Variants in CACNA2D3 observed in about 807,000 individuals in gnomAD.
CACNA2D3 encodes voltage-dependent calcium channel subunit alpha-2/delta-3.
A neutral mutation model predicts 160.6 loss-of-function variants in CACNA2D3; 60 were observed. The ratio of observed to expected loss-of-function variants is 0.37; its 90% CI spans 0.30 to 0.46. CACNA2D3 has a LOEUF of 0.46. CACNA2D3 is among the 20% of genes least tolerant of loss of function. CACNA2D3 has a pLI of 1.00. For synonymous variants in CACNA2D3, 558 were observed against 492.9 expected, an observed-to-expected ratio of 1.13 and a Z score of -1.75; for missense variants, 1,205 against 1,365.0, an observed-to-expected ratio of 0.88 and a Z score of 1.85.
chr3:54,602,675 C>G (rs1358477645), intron 9 of CACNA2D3, among the ~76,000 whole-genome samples: 3 of 152,104 alleles, frequency 2.0e-5, no homozygotes, highest in African/African-American at 4.8e-5. Flanking sequence ...TAAATATGTT[C>G]TCTTTTCTAC....
intron 14 of CACNA2D3, among the ~76,000 whole-genome samples, chr3:54,824,578 G>A (rs756931269): frequency 6.6e-6 from 1 of 152,188 alleles, no homozygotes; most frequent in Non-Finnish European, 1.5e-5. Context: ...AGACTAACTT[G>A]AGTCAGCTGG....
intron 5 of CACNA2D3, among the ~76,000 whole-genome samples, chr3:54,508,905 A>C (rs145889091): frequency 6.6e-6 from 1 of 152,348 alleles, no homozygotes; most frequent in African/African-American, 2.4e-5. Context: ...GTTACAGTCC[A>C]ATAGGTTCTT....
At chr3:54,203,525 A>G (rs577141647) in intron 2 of CACNA2D3, among the ~76,000 whole-genome samples, 19 of 152,298 alleles carry the variant, frequency 1.2e-4, no homozygotes, top group African/African-American at 4.3e-4. Flanking sequence ...TTGCCTTGGT[A>G]TACTGGAAGA....
At chr3:54,687,374 A>T (rs1340377144) in intron 11 of CACNA2D3, among the ~76,000 whole-genome samples, 4 of 146,502 alleles carry the variant, frequency 2.7e-5, no homozygotes, top group African/African-American at 1.0e-4. Flanking sequence ...GATGGTCTAG[A>T]CTCCTGACCT....
intron 11 of CACNA2D3, among the ~76,000 whole-genome samples, chr3:54,660,771 C>G (rs776904959): frequency 6.6e-6 from 1 of 152,218 alleles, no homozygotes; most frequent in South Asian, 2.1e-4. Context: ...TCAGACCCTT[C>G]TCTCGGCCCA....
intron 32 of CACNA2D3, among the ~76,000 whole-genome samples, chr3:55,006,781 T>C (rs1703104148): frequency 6.6e-6 from 1 of 152,214 alleles, no homozygotes; most frequent in Admixed American, 6.5e-5. Context: ...GCATGTAAAT[T>C]TGTTCTTGTT....
intron 2 of CACNA2D3, among the ~76,000 whole-genome samples, chr3:54,178,179 A>C (rs189155600): frequency 5.9e-4 from 90 of 152,300 alleles, no homozygotes; most frequent in Non-Finnish European, 9.1e-4. Context: ...CAGTTTGGTC[A>C]TGAACCCTCA....
At chr3:54,631,236 A>ACACACACACAC (rs1559532534) in intron 10 of CACNA2D3, among the ~76,000 whole-genome samples, 1 of 151,524 alleles carries the variant, frequency 6.6e-6, no homozygotes, top group African/African-American at 2.4e-5. Flanking sequence ...ACACACACAC[A>ACACACACACAC]AAGATAAATG....
In CACNA2D3 at chr3:54,808,621, C is replaced by G. The variant is rs576470527; in HGVS notation, c.1381-8232C>G. ...ATGTCCAGATCATGGGGCTTGGCCT[C>G]TTACCTAGGGCAAGGGACACTGAAG... On this transcript the variant is annotated intron_variant, in intron 13 of 37. Transcript: ENST00000474759. Among the ~76,000 whole-genome samples the G allele has an allele frequency of 4.6e-5, 7 of 152,244 alleles. No homozygotes were observed. The South Asian group carries it at 1.5e-3, about 32-fold the overall frequency.
chr3:54,375,937 T>C (rs1699004861), intron 3 of CACNA2D3, among the ~76,000 whole-genome samples: 1 of 152,264 alleles, frequency 6.6e-6, no homozygotes, highest in Non-Finnish European at 1.5e-5. Flanking sequence ...TGCTCATGGA[T>C]TAAGGTATTT....
chr3:54,596,214 C>T (rs1559521937), intron 9 of CACNA2D3, among the ~76,000 whole-genome samples: 1 of 152,132 alleles, frequency 6.6e-6, no homozygotes, highest in Non-Finnish European at 1.5e-5. Context: ...AGTCCCCGCC[C>T]CCCATATCTA....
At chr3:54,616,348 G>T (rs1332705279) in intron 9 of CACNA2D3, among the ~76,000 whole-genome samples, 1 of 152,200 alleles carries the variant, frequency 6.6e-6, no homozygotes, top group Non-Finnish European at 1.5e-5. Flanking sequence ...GGAAGCTTCA[G>T]TTTCTTACTC....
intron 27 of CACNA2D3, among the ~76,000 whole-genome samples, chr3:54,933,047 CCCTCCCTT>C (rs1315228205): frequency 3.7e-5 from 5 of 135,116 alleles, no homozygotes; most frequent in South Asian, 4.4e-4. Context: ...ATCCATCCAT[CCCTCCCTT>C]CCTTCCTTCC....
chr3:54,654,171 A>G (rs1699831120), intron 11 of CACNA2D3, among the ~76,000 whole-genome samples: 1 of 152,074 alleles, frequency 6.6e-6, no homozygotes, highest in Non-Finnish European at 1.5e-5. Context: ...CATTGGAGTC[A>G]CCGAGGGGTT....
intron 12 of CACNA2D3, among the ~76,000 whole-genome samples, chr3:54,754,733 C>T (rs1214182184): frequency 6.6e-6 from 1 of 152,152 alleles, no homozygotes; most frequent in Non-Finnish European, 1.5e-5. Flanking sequence ...CCTAAGCCAT[C>T]CTTCATAAAA....
intron 2 of CACNA2D3, among the ~76,000 whole-genome samples, chr3:54,177,271 G>T (rs1425274026): frequency 2.6e-5 from 4 of 152,162 alleles, no homozygotes; most frequent in African/African-American, 7.2e-5. Context: ...GCTGTGCCTT[G>T]TTACAATTTC....
At chr3:54,315,056 C>T (rs1703830515) in intron 2 of CACNA2D3, among the ~76,000 whole-genome samples, 1 of 152,200 alleles carries the variant, frequency 6.6e-6, no homozygotes, top group African/African-American at 2.4e-5. Context: ...GGCCCATTGC[C>T]TGCACAGCTG....
At chr3:54,539,304 C>G (rs780442070) in intron 5 of CACNA2D3, among the ~76,000 whole-genome samples, 10 of 152,226 alleles carry the variant, frequency 6.6e-5, no homozygotes, top group Non-Finnish European at 1.2e-4. Flanking sequence ...GTGCTGTATA[C>G]ATGACCAGTG....
intron 13 of CACNA2D3, among the ~76,000 whole-genome samples, chr3:54,811,398 A>C (rs997137692): frequency 6.9e-6 from 1 of 145,596 alleles, no homozygotes; most frequent in Admixed American, 7.0e-5. Context: ...TCTCAACTCT[A>C]CCTGGGGTCA....
Sources: gnomAD v4.1 joint callset for allele counts (sites outside exome capture counted in the v4.1 genomes callset) on GRCh38, gnomAD v4.1.1 for gene constraint, MANE v1.5 for transcripts, NCBI Gene and HGNC (gene_info 2026-07-23, HGNC 2026-07-21) for gene names.